The following NUBPL variants were observed in gnomAD, a reference collection of about 807,000 sequenced individuals.
NUBPL encodes NUBP iron-sulfur cluster assembly factor, mitochondrial.
NUBPL carries 31 observed loss-of-function variants against 45.7 expected under a neutral mutation model. That is an observed-to-expected ratio of 0.68 (90% CI 0.51 to 0.92). NUBPL has a LOEUF of 0.92. Ranked by LOEUF, NUBPL falls within the 40% of genes least tolerant of loss-of-function variation. The pLI, the probability that NUBPL is intolerant of heterozygous loss-of-function variation, is 0.00. For missense variants in NUBPL, 401 were observed against 398.7 expected (o/e 1.01, Z -0.05); for synonymous variants, 144 against 140.9 (o/e 1.02, Z -0.15).
At chr14:31,741,001 T>C (rs559359875) in intron 6 of NUBPL, among the ~76,000 whole-genome samples, 82 of 152,374 alleles carry the variant, frequency 5.4e-4, no homozygotes, top group African/African-American at 1.9e-3. Context: ...CATTATCTGT[T>C]GGTTTTTGCA....
At chr14:31,595,991 C>T (rs58159978) in intron 3 of NUBPL, among the ~76,000 whole-genome samples, 8,189 of 151,356 alleles carry the variant, frequency 0.054, 619 homozygotes, top group African/African-American at 0.17. Flanking sequence ...ACTGCAAGCT[C>T]CACCTCCTGG....
intron 6 of NUBPL, among the ~76,000 whole-genome samples, chr14:31,705,064 T>G (rs530217813): frequency 1.6e-4 from 25 of 152,164 alleles, no homozygotes; most frequent in African/African-American, 5.6e-4. Flanking sequence ...TGTTTATTCC[T>G]TCCAGTGGGT....
chr14:31,660,173 G>C (rs1459046085), intron 4 of NUBPL, among the ~76,000 whole-genome samples: 1 of 152,070 alleles, frequency 6.6e-6, no homozygotes, highest in Non-Finnish European at 1.5e-5. Context: ...TGGTTGTCCA[G>C]GTTGATGGCT....
At chr14:31,751,474 G>A (rs2038528280) in intron 6 of NUBPL, among the ~76,000 whole-genome samples, 1 of 152,248 alleles carries the variant, frequency 6.6e-6, no homozygotes, top group African/African-American at 2.4e-5. Context: ...CTGAAACCTG[G>A]CAGGGCACCC....
At chr14:31,651,144 G>A (rs1341698093) in intron 4 of NUBPL, among the ~76,000 whole-genome samples, 1 of 151,152 alleles carries the variant, frequency 6.6e-6, no homozygotes, top group Non-Finnish European at 1.5e-5. Context: ...ATTTTTTTTT[G>A]TTTTTTGAGA....
intron 6 of NUBPL, among the ~76,000 whole-genome samples, chr14:31,774,212 G>A (rs540429183): frequency 6.6e-6 from 1 of 152,224 alleles, no homozygotes; most frequent in Non-Finnish European, 1.5e-5. Context: ...GGCCTTGCTA[G>A]CAGAATAGAA....
At chr14:31,713,281 T>C (rs2037617527) in intron 6 of NUBPL, among the ~76,000 whole-genome samples, 1 of 152,232 alleles carries the variant, frequency 6.6e-6, no homozygotes, top group East Asian at 1.9e-4. Flanking sequence ...CCCCTTGAAG[T>C]ATTCATCTTA....
intron 3 of NUBPL, among the ~76,000 whole-genome samples, chr14:31,579,828 A>T (rs2033816438): frequency 6.6e-6 from 1 of 152,220 alleles, no homozygotes; most frequent in Non-Finnish European, 1.5e-5. Flanking sequence ...AGAAACTATT[A>T]ATATCTAGGG....
chr14:31,793,828 C>CTTTTTTTTTTTTTTTTTTTTTTTT (rs55698198), intron 7 of NUBPL, among the ~76,000 whole-genome samples: 6 of 127,608 alleles, frequency 4.7e-5, no homozygotes, highest in Non-Finnish European at 3.1e-5. Context: ...CCTTATCTTT[C>CTTTTTTTTTTTTTTTTTTTTTTTT]TTTTTTTTTT....
chr14:31,644,536 T>G (rs1209603977), intron 4 of NUBPL, among the ~76,000 whole-genome samples: 1 of 152,210 alleles, frequency 6.6e-6, no homozygotes, highest in Non-Finnish European at 1.5e-5. Flanking sequence ...ATTTCTACTT[T>G]TTTGTATTTG....
At chr14:31,564,160 A>G (rs956443223) in intron 2 of NUBPL, among the ~76,000 whole-genome samples, 8 of 152,160 alleles carry the variant, frequency 5.3e-5, no homozygotes, top group Non-Finnish European at 7.4e-5. Flanking sequence ...CAGTCTTTGA[A>G]TTGTGTTACT....
In NUBPL at chr14:31,844,618, TTC is replaced by T. The variant is rs1308002703; in HGVS notation, c.694-1851_694-1850del. 3 of 149,914 alleles carry T rather than the reference TTC, an allele frequency of 2.0e-5. No homozygotes were observed. In the East Asian group the frequency reaches 5.9e-4, roughly 30 times the overall value. The allele number at this position is 149,914 out of a possible 1,614,324, so 9.3% of individuals were successfully genotyped here. A position where few individuals can be genotyped will look rare whatever the true frequency, so the allele number is the denominator to read the frequency against. Reference sequence around the variant, plus strand: ...AATTATTGGGGGCAACTTTAGTTTTTTCTATTTCTCTTTTCAGAAAGAATAAC... The same window carrying T: ...AATTATTGGGGGCAACTTTAGTTTTTTATTTCTCTTTTCAGAAAGAATAAC... On this transcript the variant is annotated intron_variant, in intron 8 of 10. Transcript: ENST00000281081.
chr14:31,813,548 C>T (rs1033472344), intron 7 of NUBPL, among the ~76,000 whole-genome samples: 1 of 151,868 alleles, frequency 6.6e-6, no homozygotes, highest in Admixed American at 6.6e-5. Context: ...CACACACACA[C>T]ACACATACTT....
chr14:31,785,440 C>A (rs780108323), intron 6 of NUBPL, among the ~76,000 whole-genome samples: 6 of 152,052 alleles, frequency 3.9e-5, no homozygotes, highest in Non-Finnish European at 5.9e-5. Flanking sequence ...GAGCACGGAC[C>A]CTATTGTGAG....
At chr14:31,827,634 G>A (rs2040127071) in intron 8 of NUBPL, among the ~76,000 whole-genome samples, 1 of 152,138 alleles carries the variant, frequency 6.6e-6, no homozygotes, top group South Asian at 2.1e-4. Flanking sequence ...AGATTTTAGA[G>A]CATATATATC....
intron 6 of NUBPL, among the ~76,000 whole-genome samples, chr14:31,715,738 C>CT (rs1566519543): frequency 1.3e-5 from 2 of 152,120 alleles, no homozygotes; most frequent in Non-Finnish European, 2.9e-5. Context: ...ATGTGATTGC[C>CT]TAGAACATTG....
chr14:31,664,373 G>A (rs565078793), intron 4 of NUBPL, among the ~76,000 whole-genome samples: 1 of 152,262 alleles, frequency 6.6e-6, no homozygotes, highest in East Asian at 1.9e-4. Flanking sequence ...CTATGGATTT[G>A]TCATAAATCG....
At chr14:31,701,339 G>A (rs1045139371) in intron 6 of NUBPL, among the ~76,000 whole-genome samples, 22 of 152,116 alleles carry the variant, frequency 1.4e-4, no homozygotes, top group Admixed American at 3.9e-4. Flanking sequence ...CTCAGGGATC[G>A]TAAACGCACC....
intron 3 of NUBPL, among the ~76,000 whole-genome samples, chr14:31,585,605 G>A (rs913235124): frequency 6.6e-6 from 1 of 152,142 alleles, no homozygotes; most frequent in Non-Finnish European, 1.5e-5. Flanking sequence ...CTGTCTAACT[G>A]TTTGAGGAAC....
Sources: gnomAD v4.1 joint callset for allele counts (sites outside exome capture counted in the v4.1 genomes callset) on GRCh38, gnomAD v4.1.1 for gene constraint, MANE v1.5 for transcripts, NCBI Gene and HGNC (gene_info 2026-07-23, HGNC 2026-07-21) for gene names.